Variants in GRM7 observed in about 807,000 individuals in gnomAD.
The protein encoded by GRM7 is metabotropic glutamate receptor 7.
A neutral mutation model predicts 84.5 loss-of-function variants in GRM7; 35 were observed. The observed-to-expected ratio is 0.41, with a 90% CI of 0.32 to 0.55. The LOEUF is 0.55. Ranked by LOEUF, GRM7 falls within the 20% of genes least tolerant of loss-of-function variation. The probability of loss-of-function intolerance (pLI) is 0.19; values close to 1 mark genes in which losing one functional copy is unlikely to be tolerated. For missense variants in GRM7, 1,003 were observed against 1,194.6 expected (o/e 0.84, Z 2.36); for synonymous variants, 487 against 455.1 (o/e 1.07, Z -0.89).
At chr3:7,473,662 G>C (rs1460527005) in intron 7 of GRM7, among the ~76,000 whole-genome samples, 1 of 152,180 alleles carries the variant, frequency 6.6e-6, no homozygotes, top group African/African-American at 2.4e-5. Context: ...TGCAAAGCCT[G>C]TGATGTTATA....
chr3:7,102,662 T>C (rs1298309050), intron 1 of GRM7, among the ~76,000 whole-genome samples: 5 of 151,822 alleles, frequency 3.3e-5, no homozygotes, highest in Non-Finnish European at 7.4e-5. Flanking sequence ...TTTCTTCTCC[T>C]TCCGAAACTT....
At chr3:7,153,422 C>G (rs1325046673) in intron 2 of GRM7, among the ~76,000 whole-genome samples, 1 of 152,094 alleles carries the variant, frequency 6.6e-6, no homozygotes, top group Non-Finnish European at 1.5e-5. Context: ...TATCCTCTCT[C>G]ACTAGAGAGT....
rs1437161528 is a variant in GRM7, at chr3:7,151,847, A to G, written c.736+5179A>G. On this transcript the variant is annotated intron_variant, in intron 2 of 9. Coordinates refer to ENST00000357716, the MANE Select transcript of GRM7 (RefSeq NM_000844.4). This position sits in a 1 kb window ranked among gnomAD's most constrained non-coding sequence, Gnocchi z 4.5. ...CATTATTTCCTCTCACCATTCCTAT[A>G]TAAAACTGATAGCAGTATGGTGCAA... Among the ~76,000 whole-genome samples the G allele has an allele frequency of 6.6e-6, 1 of 152,078 alleles. No homozygotes were observed. The highest frequency in any genetic ancestry group is 1.5e-5 in the Non-Finnish European group (1 of 68,016).
Position 7,247,838 on chromosome 3 carries a change from C to T in GRM7, c.737-50846C>T, listed in dbSNP as rs374939301. Among the ~76,000 whole-genome samples, 110 of 151,886 alleles carry T rather than the reference C, an allele frequency of 7.2e-4. 5 individuals carry two copies. The South Asian group carries it at 0.014, about 19-fold the overall frequency. On this transcript the variant is annotated intron_variant, in intron 2 of 9. Transcript: ENST00000357716. ...TGAACACTTCACAACAGAAAATATA[C>T]GAAAAGTAAATAAGCATTTCAAAAA...
rs552199399 is a variant in GRM7, at chr3:7,204,317, A to T, written c.736+57649A>T. ...TGGTTCTCTCTTAGGAACTGAGATT[A>T]TCTCTTCCAGACATTCTCTCTTAGG... On this transcript the variant is annotated intron_variant, in intron 2 of 9. Transcript: ENST00000357716. 4.3e-4 allele frequency among the ~76,000 whole-genome samples: 66 copies of T among 152,338 alleles called. 2 individuals carry two copies. The South Asian group carries it at 8.1e-3, about 19-fold the overall frequency.
intron 2 of GRM7, among the ~76,000 whole-genome samples, chr3:7,274,106 A>G (rs555289618): frequency 1.8e-4 from 27 of 152,084 alleles, no homozygotes; most frequent in African/African-American, 6.3e-4. Context: ...TTGATTTTCA[A>G]ATAACACTAT....
chr3:7,488,334 G>A (rs905080905), intron 7 of GRM7, among the ~76,000 whole-genome samples: 2 of 152,094 alleles, frequency 1.3e-5, no homozygotes, highest in Non-Finnish European at 2.9e-5. Flanking sequence ...AGGGCAAGGG[G>A]CAGAATGCAA....
chr3:7,669,225 A>T (rs1406332485), intron 8 of GRM7, among the ~76,000 whole-genome samples: 1 of 152,224 alleles, frequency 6.6e-6, no homozygotes, highest in Non-Finnish European at 1.5e-5. Flanking sequence ...AAAATAATAC[A>T]TCCTATAAGC....
chr3:7,052,722 T>TTTTTTTTTG (rs1326780682), intron 1 of GRM7, among the ~76,000 whole-genome samples: 4 of 147,488 alleles, frequency 2.7e-5, no homozygotes, highest in African/African-American at 9.8e-5. Context: ...TATCGGTAGT[T>TTTTTTTTTG]TTTTTTTTTT....
At chr3:6,912,739 C>T in intron 1 of GRM7, among the ~76,000 whole-genome samples, 1 of 151,954 alleles carries the variant, frequency 6.6e-6, no homozygotes, top group East Asian at 1.9e-4. Context: ...TAATCATAGA[C>T]AAATTCTACC....
chr3:7,392,914 G>T (rs1695057494), intron 4 of GRM7, among the ~76,000 whole-genome samples: 1 of 152,160 alleles, frequency 6.6e-6, no homozygotes, highest in Non-Finnish European at 1.5e-5. Flanking sequence ...ATACGGGGTA[G>T]CCAGGTTTCC....
At chr3:7,454,100 T>TCTCTCTCTCTCC (rs1697903850) in intron 6 of GRM7, among the ~76,000 whole-genome samples, 1 of 79,906 alleles carries the variant, frequency 1.3e-5, no homozygotes, top group Non-Finnish European at 3.8e-5. Flanking sequence ...ACTCTCTCTC[T>TCTCTCTCTCTCC]CTCTCTCTCT....
chr3:7,735,162 C>G (rs1380086170), intron 9 of GRM7, among the ~76,000 whole-genome samples: 3 of 152,114 alleles, frequency 2.0e-5, no homozygotes, highest in African/African-American at 7.2e-5. Context: ...AATAGGGAAG[C>G]ATTAGTTGGC....
chr3:7,595,485 T>C (rs538670638), intron 8 of GRM7, among the ~76,000 whole-genome samples: 38 of 152,320 alleles, frequency 2.5e-4, no homozygotes, highest in Middle Eastern at 3.4e-3. Context: ...TATGAGTATG[T>C]AATATATCAG....
At chr3:7,615,418 A>C (rs1697035904) in intron 8 of GRM7, among the ~76,000 whole-genome samples, 1 of 151,610 alleles carries the variant, frequency 6.6e-6, no homozygotes. Context: ...TTTCTCTTGA[A>C]GTCTGTTTAC....
At chr3:7,388,695 A>G (rs1369187593) in intron 4 of GRM7, among the ~76,000 whole-genome samples, 1 of 151,866 alleles carries the variant, frequency 6.6e-6, no homozygotes, top group Non-Finnish European at 1.5e-5. Context: ...ATATTTATCT[A>G]TTTCCTTTAG....
At position 7,346,845 on chromosome 3, in the gene GRM7, C is replaced by T. The variant is rs1191468459; in HGVS notation, c.1033+40193C>T. ...TGATAAGATGAGAATTCTGAGTGAGCTCTGGCACCAAGAAATACCATAAGT... is the reference window on the plus strand; with the variant it reads ...TGATAAGATGAGAATTCTGAGTGAGTTCTGGCACCAAGAAATACCATAAGT... On this transcript the variant is annotated intron_variant, in intron 4 of 9. Coordinates refer to ENST00000357716, the MANE Select transcript of GRM7 (RefSeq NM_000844.4). Among the ~76,000 whole-genome samples, 4 of 152,186 alleles carry T rather than the reference C, an allele frequency of 2.6e-5. No homozygotes were observed. In the East Asian group the frequency reaches 5.8e-4, roughly 22 times the overall value.
chr3:7,434,657 A>T (rs1374346019), intron 5 of GRM7, among the ~76,000 whole-genome samples: 2 of 152,156 alleles, frequency 1.3e-5, no homozygotes, highest in Non-Finnish European at 2.9e-5. Context: ...ATCATGATGT[A>T]TCTATTTTTT....
chr3:7,589,718 G>A (rs1205253841), intron 8 of GRM7, among the ~76,000 whole-genome samples: 1 of 152,144 alleles, frequency 6.6e-6, no homozygotes, highest in East Asian at 1.9e-4. Flanking sequence ...CAGAAATCCA[G>A]CTTCCCACTG....
Sources: allele counts gnomAD v4.1 joint callset (sites outside exome capture counted in the v4.1 genomes callset), GRCh38; gene constraint gnomAD v4.1.1; non-coding constraint Gnocchi (gnomAD v3.1); transcripts MANE v1.5; gene names NCBI Gene and HGNC (gene_info 2026-07-23, HGNC 2026-07-21).